The following TAFA4 variants were observed in gnomAD, a reference collection of about 807,000 sequenced individuals.
The protein encoded by TAFA4 is TAFA chemokine like family member 4, also known as chemokine-like protein TAFA-4.
TAFA4 carries 20 observed loss-of-function variants against 21.1 expected under a neutral mutation model. That is an observed-to-expected ratio of 0.95 (90% CI 0.67 to 1.38). TAFA4 has a LOEUF of 1.38. Ranked by LOEUF, TAFA4 falls within the 40% of genes most tolerant of loss-of-function variation. The pLI is 0.00. For synonymous variants in TAFA4, 71 were observed against 67.4 expected, an observed-to-expected ratio of 1.05 and a Z score of -0.26; for missense variants, 211 against 180.9, an observed-to-expected ratio of 1.17 and a Z score of -0.95.
chr3:68,772,936 T>C (rs1399561599), intron 3 of TAFA4, among the ~76,000 whole-genome samples: 1 of 152,238 alleles, frequency 6.6e-6, no homozygotes. Flanking sequence ...ATGTTTCATC[T>C]TTTTAAAACA....
At chr3:68,771,675 A>C (rs746282499) in intron 3 of TAFA4, among the ~76,000 whole-genome samples, 1 of 152,222 alleles carries the variant, frequency 6.6e-6, no homozygotes, top group Non-Finnish European at 1.5e-5. Flanking sequence ...TTACTAATGC[A>C]GAAGAAGTTT....
chr3:68,796,328 A>G (rs1238706301), intron 3 of TAFA4, among the ~76,000 whole-genome samples: 3 of 152,236 alleles, frequency 2.0e-5, no homozygotes, highest in Non-Finnish European at 4.4e-5. Flanking sequence ...TACAGTATAT[A>G]TAATTCTAAT....
In TAFA4 at chr3:68,932,418, G is replaced by T. The variant is rs963051535; in HGVS notation, c.-301C>A. 3.3e-5 allele frequency: 5 copies of T among 152,468 alleles called. No individual in the cohort carries two copies. The highest frequency in any genetic ancestry group is 7.3e-5 in the Non-Finnish European group (5 of 68,126). 9.4% of individuals were successfully genotyped at this position (152,468 alleles called of 1,614,324 possible). On this transcript the variant is annotated 5_prime_UTR_variant, in exon 1 of 6. Transcript: ENST00000295569. ...CCCACGTCTCTACCAGGAGAAGCCC[G>T]AAGCTCCTGCGGGAGAAGCCTGAAG...
chr3:68,810,911 G>A (rs1325437882), intron 3 of TAFA4, among the ~76,000 whole-genome samples: 1 of 152,142 alleles, frequency 6.6e-6, no homozygotes, highest in African/African-American at 2.4e-5. Flanking sequence ...GCCTAACTGG[G>A]AGGCAACCCC....
chr3:68,774,949 A>G (rs1192644379), intron 3 of TAFA4, among the ~76,000 whole-genome samples: 1 of 152,236 alleles, frequency 6.6e-6, no homozygotes, highest in Non-Finnish European at 1.5e-5. Context: ...TGCAAAAAAG[A>G]AAGCTATTCC....
At chr3:68,771,011 A>C (rs1398124006) in intron 3 of TAFA4, among the ~76,000 whole-genome samples, 1 of 152,136 alleles carries the variant, frequency 6.6e-6, no homozygotes, top group Non-Finnish European at 1.5e-5. Flanking sequence ...CAACAGCAGA[A>C]CGACTCGGAC....
intron 3 of TAFA4, among the ~76,000 whole-genome samples, chr3:68,834,335 T>G (rs1704471474): frequency 6.6e-6 from 1 of 152,196 alleles, no homozygotes; most frequent in East Asian, 1.9e-4. Context: ...TCTCTACTCC[T>G]CCTATTATCA....
chr3:68,814,465 A>G (rs934685124), intron 3 of TAFA4, among the ~76,000 whole-genome samples: 1 of 152,204 alleles, frequency 6.6e-6, no homozygotes, highest in Non-Finnish European at 1.5e-5. Context: ...CAACTTCAGC[A>G]AAGTCTCAGG....
At chr3:68,815,203 T>G (rs547760676) in intron 3 of TAFA4, among the ~76,000 whole-genome samples, 1 of 152,046 alleles carries the variant, frequency 6.6e-6, no homozygotes, top group South Asian at 2.1e-4. Flanking sequence ...CCTAAAACCA[T>G]AAAAACCCTA....
intron 3 of TAFA4, among the ~76,000 whole-genome samples, chr3:68,812,579 G>A (rs1270624289): frequency 6.6e-6 from 1 of 152,096 alleles, no homozygotes; most frequent in Non-Finnish European, 1.5e-5. Context: ...AGACAAAGAA[G>A]GCCATTACAT....
chr3:68,784,522 A>C (rs1487711833), intron 3 of TAFA4, among the ~76,000 whole-genome samples: 1 of 151,232 alleles, frequency 6.6e-6, no homozygotes, highest in Admixed American at 6.6e-5. Flanking sequence ...GTGCCTCTGG[A>C]GTTCTTCGTT....
intron 3 of TAFA4, among the ~76,000 whole-genome samples, chr3:68,766,555 A>AG (rs1702858891): frequency 6.6e-6 from 1 of 152,084 alleles, no homozygotes; most frequent in African/African-American, 2.4e-5. Context: ...TTTCCTAAAA[A>AG]AAAAACTCAG....
intron 3 of TAFA4, among the ~76,000 whole-genome samples, chr3:68,792,852 C>T (rs1156523657): frequency 6.6e-6 from 1 of 151,970 alleles, no homozygotes; most frequent in African/African-American, 2.4e-5. Context: ...AAACTCAGAC[C>T]TTTCATCTTA....
intron 3 of TAFA4, among the ~76,000 whole-genome samples, chr3:68,767,427 A>G (rs1452533156): frequency 6.6e-6 from 1 of 152,200 alleles, no homozygotes. Context: ...TGCATAAGCT[A>G]CAAACATTTA....
At chr3:68,772,535 A>G (rs1284945767) in intron 3 of TAFA4, among the ~76,000 whole-genome samples, 1 of 152,210 alleles carries the variant, frequency 6.6e-6, no homozygotes, top group Non-Finnish European at 1.5e-5. Flanking sequence ...TCAGAACTCC[A>G]GGCTCTCTGG....
At chr3:68,823,945 C>A (rs1371680305) in intron 3 of TAFA4, among the ~76,000 whole-genome samples, 1 of 152,078 alleles carries the variant, frequency 6.6e-6, no homozygotes, top group Non-Finnish European at 1.5e-5. Context: ...TAATTGGTCT[C>A]TTCTGTCCTA....
At chr3:68,776,655 GACTT>G (rs1459383697) in intron 3 of TAFA4, among the ~76,000 whole-genome samples, 5 of 152,064 alleles carry the variant, frequency 3.3e-5, no homozygotes, top group East Asian at 1.9e-4. Flanking sequence ...CAACCAGCTG[GACTT>G]ACTTACTATT....
At chr3:68,845,858 A>T (rs1009976164) in intron 3 of TAFA4, among the ~76,000 whole-genome samples, 2 of 152,104 alleles carry the variant, frequency 1.3e-5, no homozygotes, top group Admixed American at 6.6e-5. Flanking sequence ...TCTCTTCTGG[A>T]TTGTAGGGTT....
chr3:68,842,420 C>G (rs554111678), intron 3 of TAFA4, among the ~76,000 whole-genome samples: 2 of 152,060 alleles, frequency 1.3e-5, no homozygotes, highest in Non-Finnish European at 2.9e-5. Context: ...TTTGTTTAAG[C>G]TCTTTGTGGA....
Sources: gnomAD v4.1 joint callset for allele counts (sites outside exome capture counted in the v4.1 genomes callset) on GRCh38, gnomAD v4.1.1 for gene constraint, MANE v1.5 for transcripts, NCBI Gene and HGNC (gene_info 2026-07-23, HGNC 2026-07-21) for gene names.